The following IL5 variants were observed in gnomAD, a reference collection of about 807,000 sequenced individuals.
The protein encoded by IL5 is interleukin-5.
In IL5, 12 loss-of-function variants were observed where a neutral mutation model predicts 16.3. That is an observed-to-expected ratio of 0.74 (90% confidence interval 0.47 to 1.20). The LOEUF is 1.20. Ranked by LOEUF, IL5 falls within the 50% of genes most tolerant of loss-of-function variation. IL5 has a pLI of 0.00. For missense variants in IL5, 159 were observed against 153.9 expected (o/e 1.03, Z -0.17); for synonymous variants, 54 against 56.6 (o/e 0.95, Z 0.21).
intron 2 of IL5, 84 bp from the exon 3 acceptor site, chr5:132,542,227 T>G: frequency 1.2e-6 from 1 of 824,360 alleles, no homozygotes; most frequent in Non-Finnish European, 2.0e-6. Context: ...AATGTATACA[T>G]ACTTCAAAAC....
intron 1 of IL5, among the ~76,000 whole-genome samples, chr5:132,550,920 G>A (rs775575758): frequency 6.6e-6 from 1 of 152,132 alleles, no homozygotes; most frequent in Non-Finnish European, 1.5e-5. Context: ...AGACAATGAG[G>A]AACAAAAATG....
At chr5:132,542,488 GA>G (rs1032358072) in intron 2 of IL5, among the ~76,000 whole-genome samples, 4 of 151,900 alleles carry the variant, frequency 2.6e-5, no homozygotes, top group Admixed American at 1.3e-4. Context: ...TATGTAACTG[GA>G]AAAAAATGTT....
chr5:132,547,213 G>C (rs1749808812), upstream of IL5, among the ~76,000 whole-genome samples: 1 of 152,140 alleles, frequency 6.6e-6, no homozygotes. Context: ...TATGGAAAGG[G>C]GAGAATAAGA....
upstream of IL5, chr5:132,543,734 T>G (rs1749740914): frequency 1.6e-5 from 5 of 316,580 alleles, no homozygotes; most frequent in Non-Finnish European, 2.9e-5. Context: ...CGAAGAATCT[T>G]TGGGTTAATA....
At chr5:132,546,449 A>G (rs1190938076), upstream of IL5, among the ~76,000 whole-genome samples, 1 of 152,192 alleles carries the variant, frequency 6.6e-6, no homozygotes, top group Non-Finnish European at 1.5e-5. Context: ...TCTATTCTCA[A>G]GATTCATCCA....
At chr5:132,550,058 C>T (rs1749859823) in intron 1 of IL5, among the ~76,000 whole-genome samples, 2 of 152,004 alleles carry the variant, frequency 1.3e-5, no homozygotes, top group African/African-American at 4.8e-5. Flanking sequence ...TTCTTTTTCA[C>T]ATATCTATAC....
rs200719479 is a variant in IL5 at position 132,543,502 on chromosome 5, C to A, written c.-24G>T. 3.9e-5 allele frequency: 63 copies of A among 1,610,618 alleles called. No individual in the cohort carries two copies. Among genetic ancestry groups the A allele is most frequent in the Non-Finnish European group, 2.6e-5 (31 of 1,178,724 alleles). ...ATGGCTCTGAAACGTTCTGCGTTTG[C>A]CTTTGGCAAAGAAAGTGCATAGTAC... is the stretch of plus-strand genomic sequence containing the variant. On this transcript the variant is annotated 5_prime_UTR_variant, in exon 1 of 4. Coordinates refer to ENST00000231454, the MANE Select transcript of IL5 (RefSeq NM_000879.3).
chr5:132,547,182 A>C (rs1323055227), upstream of IL5, among the ~76,000 whole-genome samples: 1 of 152,210 alleles, frequency 6.6e-6, no homozygotes, highest in East Asian at 1.9e-4. Flanking sequence ...ATACAGAGTG[A>C]CTTTTTAAAA....
chr5:132,551,493 T>C (rs1021656577), intron 1 of IL5, among the ~76,000 whole-genome samples: 5 of 152,086 alleles, frequency 3.3e-5, no homozygotes, highest in Admixed American at 6.5e-5. Flanking sequence ...ATCCCAAATA[T>C]GTGCATGTGA....
intron 1 of IL5, among the ~76,000 whole-genome samples, chr5:132,550,216 A>C (rs1029932569): frequency 4.6e-5 from 7 of 152,190 alleles, no homozygotes; most frequent in African/African-American, 1.4e-4. Context: ...CACCTGTGTA[A>C]AATTTTAAAA....
chr5:132,543,308 G>T (rs1194728685), intron 1 of IL5, 27 bp downstream of exon 1: 3 of 1,596,554 alleles, frequency 1.9e-6, no homozygotes, highest in Non-Finnish European at 2.6e-6. Context: ...GCACTTTACA[G>T]ACTGTAGGAA....
intron 1 of IL5, among the ~76,000 whole-genome samples, chr5:132,555,549 T>G (rs1749964597): frequency 6.6e-6 from 1 of 152,244 alleles, no homozygotes; most frequent in Non-Finnish European, 1.5e-5. Context: ...GGAGTCTCGC[T>G]CTGTTGCCCA....
At chr5:132,550,680 A>G (rs140820227) in intron 1 of IL5, among the ~76,000 whole-genome samples, 1 of 152,296 alleles carries the variant, frequency 6.6e-6, no homozygotes, top group African/African-American at 2.4e-5. Flanking sequence ...ATTTTCACAA[A>G]AATAGCTTTG....
At chr5:132,551,344 G>A (rs907382771) in intron 1 of IL5, among the ~76,000 whole-genome samples, 1 of 152,256 alleles carries the variant, frequency 6.6e-6, no homozygotes, top group Non-Finnish European at 1.5e-5. Flanking sequence ...TGGATGCAAA[G>A]ATACATAGCA....
At chr5:132,543,963 A>T (rs1338593433), upstream of IL5, 4 of 152,738 alleles carry the variant, frequency 2.6e-5, no homozygotes, top group African/African-American at 9.7e-5. Flanking sequence ...GAAGACAGTG[A>T]TTGAAATGGA....
intron 2 of IL5, among the ~76,000 whole-genome samples, 160 bp from the exon 3 acceptor site, chr5:132,542,303 A>G (rs541841247): frequency 6.6e-6 from 1 of 152,256 alleles, no homozygotes; most frequent in South Asian, 2.1e-4. Flanking sequence ...TTATTAAAAC[A>G]ATTTTGGTCC....
intron 1 of IL5, among the ~76,000 whole-genome samples, chr5:132,548,582 T>C (rs1036507972): frequency 2.6e-5 from 4 of 152,170 alleles, no homozygotes; most frequent in African/African-American, 9.7e-5. Flanking sequence ...GTTTGCACAA[T>C]CTCTCACATC....
At chr5:132,553,345 C>T (rs1343715147) in intron 1 of IL5, among the ~76,000 whole-genome samples, 1 of 152,060 alleles carries the variant, frequency 6.6e-6, no homozygotes, top group Non-Finnish European at 1.5e-5. Context: ...TCAAGTTCAA[C>T]TTTTTTCCGT....
chr5:132,555,225 G>C (rs984500884), intron 1 of IL5, among the ~76,000 whole-genome samples: 3 of 152,320 alleles, frequency 2.0e-5, no homozygotes, highest in Non-Finnish European at 4.4e-5. Flanking sequence ...CAGTGACCCA[G>C]GGGTTGGGGA....
Sources: allele counts gnomAD v4.1 joint callset (sites outside exome capture counted in the v4.1 genomes callset), GRCh38; gene constraint gnomAD v4.1.1; transcripts MANE v1.5; gene names NCBI Gene and HGNC (gene_info 2026-07-23, HGNC 2026-07-21).